Variants in ADSS1 observed in about 807,000 individuals in gnomAD.
ADSS1 encodes the protein adenylosuccinate synthetase isozyme 1.
ADSS1 carries 57 observed loss-of-function variants against 59.1 expected under a neutral mutation model. The ratio of observed to expected loss-of-function variants is 0.97; its 90% CI spans 0.78 to 1.20. The LOEUF is 1.20. Ranked by LOEUF, ADSS1 falls within the 50% of genes most tolerant of loss-of-function variation. The probability of loss-of-function intolerance (pLI) is 0.00; values close to 1 mark genes in which losing one functional copy is unlikely to be tolerated. For synonymous variants in ADSS1, 247 were observed against 249.4 expected (o/e 0.99, Z 0.09); for missense variants, 603 against 610.3 (o/e 0.99, Z 0.13).
At chr14:104,742,995 G>C in intron 9 of ADSS1, 72 bp from the exon 10 acceptor site, 2 of 1,594,882 alleles carry the variant, frequency 1.3e-6, no homozygotes, top group Non-Finnish European at 1.7e-6. Flanking sequence ...CAGGGAGGAG[G>C]GGGAGCAGCA....
chr14:104,734,119 TC>T (rs1261842679), intron 1 of ADSS1, among the ~76,000 whole-genome samples: 4 of 152,208 alleles, frequency 2.6e-5, no homozygotes, highest in Admixed American at 2.6e-4. Context: ...TGCTGCCTCT[TC>T]CTCAGCTGTG....
chr14:104,725,187 C>G lies in ADSS1; in HGVS notation c.192+725C>G, dbSNP rs550241175. 5.3e-5 allele frequency among the ~76,000 whole-genome samples: 8 copies of G among 152,304 alleles called. No homozygotes were observed. The South Asian group carries it at 1.7e-3, about 32-fold the overall frequency. On this transcript the variant is annotated intron_variant, in intron 1 of 12. Coordinates refer to ENST00000330877, the MANE Select transcript of ADSS1 (RefSeq NM_152328.5). ...CCCAGGGCCCAGGGCTGGGCCTCTG[C>G]CAGCCGGCAGCTGCTCTCAGCGCCC...
intron 10 of ADSS1, 21 bp from the exon 11 acceptor site, chr14:104,744,791 C>G (rs752470232): frequency 6.2e-7 from 1 of 1,612,882 alleles, no homozygotes; most frequent in African/African-American, 1.3e-5. Flanking sequence ...TGGGTTTGCC[C>G]GGCCCCTTGG....
chr14:104,730,277 T>G, intron 1 of ADSS1: 1 of 1,421,248 alleles, frequency 7.0e-7, no homozygotes, highest in Non-Finnish European at 9.3e-7. Flanking sequence ...GCGGATCACT[T>G]AGGGTCAGGA....
In ADSS1 at chr14:104,746,997, GT is replaced by G; in HGVS notation, c.1372del (p.Ter458SerfsTer6). 1 of 1,613,986 alleles carries G rather than the reference GT, an allele frequency of 6.2e-7. No homozygotes were observed. Among genetic ancestry groups the G allele is most frequent in the Non-Finnish European group, 8.5e-7 (1 of 1,179,866 alleles). On this transcript the variant is annotated frameshift_variant, in exon 13 of 13. Transcript: ENST00000330877. LOFTEE classifies it high-confidence loss of function. ...GKSRESMIQL[F>X] ...AGTCAAGAGAGTCGATGATCCAGCT[GT>G]TTTAGTCACAGACTGAGCTGATCCC...
chr14:104,738,845 A>T (rs1595206161), intron 3 of ADSS1, among the ~76,000 whole-genome samples: 1 of 152,274 alleles, frequency 6.6e-6, no homozygotes, highest in African/African-American at 2.4e-5. Flanking sequence ...AGTCAGACCT[A>T]GTGTGGGCAG....
At position 104,746,985 on chromosome 14, in the gene ADSS1, G is replaced by A. The variant is rs1033075725; in HGVS notation, c.1356G>A (p.Ser452=). The part of the protein sequence containing the change: ...KWVGVGKSRE[S]MIQLF ...TTGGTGTTGGCAAGTCAAGAGAGTC[G>A]ATGATCCAGCTGTTTTAGTCACAGA... The change falls in exon 13 of 13, where the codon TCG becomes TCA. Residue 452 remains serine, a synonymous_variant. Coordinates refer to ENST00000330877, the MANE Select transcript of ADSS1 (RefSeq NM_152328.5). The A allele has an allele frequency of 4.6e-5, 74 of 1,613,882 alleles. No individual in the cohort carries two copies. Among genetic ancestry groups the A allele is most frequent in the Non-Finnish European group, 5.6e-5 (66 of 1,179,900 alleles).
Position 104,724,369 on chromosome 14 carries a change from G to A in ADSS1, c.99G>A (p.Val33=). Residue 33 remains valine (V), a synonymous_variant, in exon 1 of 13, where the codon GTG becomes GTA. Transcript: ENST00000330877. ...QQEAAATGSR[V]TVVLGAQWGD... ...AGGCGGCGGCGACCGGCTCCCGCGT[G>A]ACGGTGGTGCTGGGCGCGCAGTGGG... is the stretch of plus-strand genomic sequence containing the variant. 8.0e-7 allele frequency: 1 copy of A among 1,252,490 alleles called. No homozygotes were observed. The highest frequency in any genetic ancestry group is 1.5e-5 in the African/African-American group (1 of 65,226). 77.6% of individuals were successfully genotyped at this position (1,252,490 alleles called of 1,614,324 possible).
chr14:104,730,092 C>T, intron 1 of ADSS1: 4 of 1,553,920 alleles, frequency 2.6e-6, no homozygotes, highest in Non-Finnish European at 3.5e-6. Context: ...TGTGGAGGCC[C>T]AACTAGGGTG....
intron 9 of ADSS1, 149 bp downstream of exon 9, chr14:104,742,151 A>C: frequency 3.3e-6 from 4 of 1,214,538 alleles, no homozygotes; most frequent in Non-Finnish European, 4.5e-6. Context: ...CCTGCCGTGC[A>C]GGCCAGGGGA....
chr14:104,730,293 A>G, intron 1 of ADSS1: 1 of 1,365,934 alleles, frequency 7.3e-7, no homozygotes, highest in Non-Finnish European at 9.6e-7. Context: ...CAGGAGTTCA[A>G]GACCAGCCTG....
At chr14:104,728,885 G>A (rs780826533) in intron 1 of ADSS1, among the ~76,000 whole-genome samples, 1 of 152,210 alleles carries the variant, frequency 6.6e-6, no homozygotes, top group Non-Finnish European at 1.5e-5. Flanking sequence ...TCCTCCCCAA[G>A]CCTGCATGAG....
At chr14:104,732,627 G>T (rs118005867) in intron 1 of ADSS1, among the ~76,000 whole-genome samples, 1 of 152,250 alleles carries the variant, frequency 6.6e-6, no homozygotes, top group Non-Finnish European at 1.5e-5. Context: ...CTAGCAGGGC[G>T]TTCCTGGGCC....
chr14:104,732,617 C>T (rs1254490301), intron 1 of ADSS1, among the ~76,000 whole-genome samples: 1 of 152,246 alleles, frequency 6.6e-6, no homozygotes, highest in Non-Finnish European at 1.5e-5. Context: ...CAGGGTGTGC[C>T]TAGCAGGGCG....
intron 11 of ADSS1, 107 bp from the exon 12 acceptor site, chr14:104,746,129 C>T: frequency 7.7e-6 from 11 of 1,435,074 alleles, no homozygotes; most frequent in Non-Finnish European, 1.0e-5. Context: ...GCAGCTGAGT[C>T]CCTAGGCAAG....
rs369513600 is a variant in ADSS1 at position 104,744,817 on chromosome 14, C to T, written c.1079C>T (p.Ala360Val). 2 of 1,614,018 alleles carry T rather than the reference C, an allele frequency of 1.2e-6. No individual in the cohort carries two copies. Among genetic ancestry groups the T allele is most frequent in the African/African-American group, 1.3e-5 (1 of 74,928 alleles). The change falls in exon 11 of 13, where the codon GCC (alanine) becomes GTC (valine). Residue 360 changes from alanine to valine, a missense_variant. By Grantham distance (64) the Ala-to-Val change is moderately conservative. Transcript: ENST00000330877. ...GGCCCCTTGGCTTTCCACAGGCTGG[C>T]CCTGACGAAGCTGGACATCCTGGAC... ...AHMVNGFTAL[A>V]LTKLDILDVL...
At chr14:104,731,406 G>A (rs1890928087) in intron 1 of ADSS1, among the ~76,000 whole-genome samples, 1 of 152,236 alleles carries the variant, frequency 6.6e-6, no homozygotes, top group Non-Finnish European at 1.5e-5. Context: ...ACAGCATGTG[G>A]CTCAGCCCAT....
intron 1 of ADSS1, among the ~76,000 whole-genome samples, chr14:104,734,405 A>C (rs907938962): frequency 6.6e-6 from 1 of 152,180 alleles, no homozygotes; most frequent in Non-Finnish European, 1.5e-5. Context: ...AGTGGCATCC[A>C]GGGCGTGGCA....
At chr14:104,731,017 C>G (rs60876857) in intron 1 of ADSS1, among the ~76,000 whole-genome samples, 44,202 of 140,572 alleles carry the variant, frequency 0.31, 7,802 homozygotes, top group East Asian at 0.59. Flanking sequence ...TGACCCAAGC[C>G]TGCACCACAG....
Sources: allele counts gnomAD v4.1 joint callset (sites outside exome capture counted in the v4.1 genomes callset), GRCh38; gene constraint gnomAD v4.1.1; transcripts MANE v1.5; gene names NCBI Gene and HGNC (gene_info 2026-07-23, HGNC 2026-07-21).